The following PTOV1 variants were observed in gnomAD, a reference collection of about 807,000 sequenced individuals.
PTOV1 encodes prostate tumor-overexpressed gene 1 protein.
PTOV1 carries 20 observed loss-of-function variants against 58.0 expected under a neutral mutation model. The observed-to-expected ratio is 0.34, with a 90% CI of 0.24 to 0.50. The LOEUF (loss-of-function observed/expected upper bound fraction) is 0.50, where lower values mean the gene tolerates loss of function less well. Ranked by LOEUF, PTOV1 falls within the 20% of genes least tolerant of loss-of-function variation. The pLI, the probability that PTOV1 is intolerant of heterozygous loss-of-function variation, is 0.98. For missense variants in PTOV1, 593 were observed against 565.4 expected (o/e 1.05, Z -0.50); for synonymous variants, 335 against 234.2 (o/e 1.43, Z -3.93).
intron 5 of PTOV1, chr19:49,856,756 C>G (rs1016012120): frequency 1.8e-6 from 1 of 549,736 alleles, no homozygotes; most frequent in Non-Finnish European, 3.2e-6. Context: ...GCCTGGGTGC[C>G]GGGTGCCACT....
chr19:49,858,224 G>C (rs967814402), intron 9 of PTOV1, 110 bp downstream of exon 9: 1 of 1,345,404 alleles, frequency 7.4e-7, no homozygotes, highest in South Asian at 1.3e-5. Context: ...GTGAGGGAGC[G>C]GAGCTGAGGG....
exon 10 of PTOV1, chr19:49,858,620 G>A (rs1422434857): frequency 1.2e-6 from 2 of 1,604,318 alleles, no homozygotes; most frequent in Non-Finnish European, 8.5e-7. Context: ...TGGAGACACT[G>A]AAGAGCCTGT....
exon 12 of PTOV1, chr19:49,860,384 G>T (rs770996438): frequency 3.1e-6 from 4 of 1,274,162 alleles, no homozygotes; most frequent in African/African-American, 1.5e-5. Flanking sequence ...GGGCATGTGG[G>T]GGGGGTGGGG....
At chr19:49,857,904 C>T (rs2074551422) in exon 8 of PTOV1, 1 of 1,613,602 alleles carries the variant, frequency 6.2e-7, no homozygotes, top group Non-Finnish European at 8.5e-7. Context: ...CCCCCAAAAG[C>T]CCAGGCCTGA....
intron 6 of PTOV1, 67 bp from the exon 7 acceptor site, chr19:49,857,626 C>T: frequency 6.9e-7 from 1 of 1,459,074 alleles, no homozygotes; most frequent in South Asian, 1.2e-5. Flanking sequence ...GATGGCAGGC[C>T]CCAGGACAGA....
exon 1 of PTOV1, chr19:49,851,237 C>T (rs2074230914): frequency 8.8e-7 from 1 of 1,133,278 alleles, no homozygotes; most frequent in Non-Finnish European, 1.1e-6. Flanking sequence ...CCCCCGAAGC[C>T]GCGCGCCCGC....
At chr19:49,854,449 C>G in exon 2 of PTOV1, 1 of 1,612,256 alleles carries the variant, frequency 6.2e-7, no homozygotes, top group Non-Finnish European at 8.5e-7. Flanking sequence ...ATCGGTCCCT[C>G]CTCACCTGGG....
intron 5 of PTOV1, chr19:49,855,767 GC>G (rs1265850522): frequency 1.3e-5 from 2 of 154,156 alleles, no homozygotes; most frequent in Non-Finnish European, 2.9e-5. Context: ...GCTTCCTAGG[GC>G]CACCGGGAGG....
chr19:49,860,503 C>A (rs889886160), exon 12 of PTOV1: 44 of 676,462 alleles, frequency 6.5e-5, no homozygotes, highest in Non-Finnish European at 1.1e-4. Flanking sequence ...GCCTCAGGGC[C>A]ATGGGAGGTG....
intron 1 of PTOV1, 48 bp downstream of exon 1, chr19:49,851,547 CA>C: frequency 9.1e-7 from 1 of 1,095,148 alleles, no homozygotes; most frequent in Non-Finnish European, 1.1e-6. Flanking sequence ...CCCGCCCCCC[CA>C]GCCCCTATCC....
exon 3 of PTOV1, chr19:49,854,676 A>G (rs1358023934): frequency 6.2e-7 from 1 of 1,613,300 alleles, no homozygotes; most frequent in African/African-American, 1.3e-5. Context: ...CTCTGACTCC[A>G]CTGCAAAGCT....
intron 6 of PTOV1, chr19:49,857,346 C>A: frequency 1.5e-6 from 1 of 677,646 alleles, no homozygotes; most frequent in Non-Finnish European, 2.5e-6. Context: ...GGTCTTGGCG[C>A]GGCGGCAGGG....
chr19:49,858,632 C>T (rs776146953), exon 10 of PTOV1: 4 of 1,601,300 alleles, frequency 2.5e-6, no homozygotes, highest in East Asian at 2.2e-5. Context: ...AGAGCCTGTG[C>T]CGGATCATGG....
chr19:49,852,210 G>A, intron 1 of PTOV1: 1 of 434,058 alleles, frequency 2.3e-6, no homozygotes, highest in Non-Finnish European at 3.1e-6. Flanking sequence ...TTTCCCCTGG[G>A]TTCGCGCTCG....
chr19:49,859,305 CA>C (rs1233588167), intron 10 of PTOV1: 1 of 152,776 alleles, frequency 6.5e-6, no homozygotes, highest in African/African-American at 2.4e-5. Flanking sequence ...AGCATTCCCT[CA>C]GGGGCCGGGT....
Position 49,851,197 on chromosome 19 carries a change from C to T in PTOV1, c.-132C>T, listed in dbSNP as rs942551873. The T allele has an allele frequency of 3.0e-4, 366 of 1,210,726 alleles. 1 individual carries two copies. The highest frequency in any genetic ancestry group is 3.0e-3 in the Middle Eastern group (9 of 3,042). 75.0% of individuals were successfully genotyped at this position (1,210,726 alleles called of 1,614,324 possible). ...CGGCGACCCCACTCCGGCGGCGCGT[C>T]CCCCGAGCTTGGTACGGCTCAGCCC... On this transcript the variant is annotated 5_prime_UTR_variant, in exon 1 of 12. Transcript: ENST00000391842.
chr19:49,860,103 G>A (rs1244855154), exon 11 of PTOV1: 1 of 1,614,214 alleles, frequency 6.2e-7, no homozygotes. Flanking sequence ...GGGCAACTTT[G>A]TCAACGGCAT....
At chr19:49,851,540 G>T in intron 1 of PTOV1, 41 bp downstream of exon 1, 1 of 925,570 alleles carries the variant, frequency 1.1e-6, no homozygotes, top group Non-Finnish European at 1.3e-6. Context: ...CCACGGCCCC[G>T]CCCCCCCAGC....
chr19:49,860,490 C>A, exon 12 of PTOV1: 1 of 734,832 alleles, frequency 1.4e-6, no homozygotes. Flanking sequence ...AAACTGCAGC[C>A]CAGCCTCAGG....
Sources: allele counts gnomAD v4.1 joint callset, GRCh38; gene constraint gnomAD v4.1.1; transcripts MANE v1.5; gene names NCBI Gene and HGNC (gene_info 2026-07-23, HGNC 2026-07-21).